The following ANKRD6 variants were observed in gnomAD, a reference collection of about 807,000 sequenced individuals.
The protein encoded by ANKRD6 is ankyrin repeat domain 6.
Under a neutral mutation model 82.3 loss-of-function variants are expected in ANKRD6, and 56 were observed. The ratio of observed to expected loss-of-function variants is 0.68; its 90% CI spans 0.55 to 0.85. ANKRD6 has a LOEUF of 0.85. ANKRD6 is among the 40% of genes least tolerant of loss of function. ANKRD6 has a pLI of 0.00. For synonymous variants in ANKRD6, 347 were observed against 352.1 expected (o/e 0.99, Z 0.16); for missense variants, 852 against 907.6 (o/e 0.94, Z 0.79).
At chr6:89,547,172 C>G (rs757091645) in intron 1 of ANKRD6, among the ~76,000 whole-genome samples, 1 of 139,398 alleles carries the variant, frequency 7.2e-6, no homozygotes, top group African/African-American at 2.7e-5. Flanking sequence ...TTGCTAAGAA[C>G]GGTAACTAGT....
At chr6:89,455,385 G>C (rs1213718200) in intron 1 of ANKRD6, among the ~76,000 whole-genome samples, 5 of 152,022 alleles carry the variant, frequency 3.3e-5, no homozygotes, top group African/African-American at 1.2e-4. Context: ...CACATGGTGA[G>C]AATGGGAGCC....
chr6:89,442,762 A>G (rs1365102661), intron 1 of ANKRD6, among the ~76,000 whole-genome samples: 1 of 152,216 alleles, frequency 6.6e-6, no homozygotes, highest in South Asian at 2.1e-4. Flanking sequence ...ATCAGTAGAC[A>G]GAAGTCTCTG....
intron 1 of ANKRD6, among the ~76,000 whole-genome samples, chr6:89,532,020 G>A (rs1432884502): frequency 1.3e-5 from 2 of 152,186 alleles, no homozygotes; most frequent in East Asian, 1.9e-4. Flanking sequence ...AAGAGCCAAT[G>A]TTGCGGATGA....
intron 2 of ANKRD6, among the ~76,000 whole-genome samples, chr6:89,582,865 T>C (rs868464016): frequency 1.8e-4 from 27 of 152,192 alleles, no homozygotes; most frequent in African/African-American, 6.0e-4. Flanking sequence ...TTATATGAGG[T>C]AATCCATGCA....
chr6:89,550,584 T>C (rs1785694882), intron 1 of ANKRD6, among the ~76,000 whole-genome samples: 1 of 152,164 alleles, frequency 6.6e-6, no homozygotes, highest in East Asian at 1.9e-4. Flanking sequence ...TTGACTGAAG[T>C]GCTGGTTACA....
In ANKRD6 at chr6:89,615,162, T is replaced by TAA. The variant is rs5878103; in HGVS notation, c.615+1283_615+1284dup. On this transcript the variant is annotated intron_variant, in intron 7 of 15. Transcript: ENST00000339746. ...TTTGTTGGAGTGCATAAATCTTAAC[T>TAA]AAAAAAAAAAAATTAGATTGTGGTG... Among the ~76,000 whole-genome samples the TAA allele has an allele frequency of 4.8e-4, 71 of 149,314 alleles. No individual in the cohort carries two copies. The South Asian group carries it at 6.0e-3, about 13-fold the overall frequency.
At position 89,631,511 on chromosome 6, in the gene ANKRD6, C is replaced by CAACT. The variant is rs1319489304; in HGVS notation, c.*508_*511dup. ...CCTCTTTCTCAAATTCGTAATTCTC[C>CAACT]AACTGTTGACATTTTAATCACATGA... On this transcript the variant is annotated 3_prime_UTR_variant, in exon 16 of 16. Transcript: ENST00000339746. The CAACT allele has an allele frequency of 6.6e-6, 1 of 152,202 alleles. No individual in the cohort carries two copies. The highest frequency in any genetic ancestry group is 2.4e-5 in the African/African-American group (1 of 41,408). 9.4% of individuals were successfully genotyped at this position (152,202 alleles called of 1,614,324 possible). A position where few individuals can be genotyped will look rare whatever the true frequency, so the allele number is the denominator to read the frequency against.
intron 1 of ANKRD6, among the ~76,000 whole-genome samples, chr6:89,450,439 G>T (rs886598135): frequency 6.6e-6 from 1 of 152,196 alleles, no homozygotes; most frequent in Admixed American, 6.5e-5. Context: ...CTTGAGACAA[G>T]GCCCTCCACT....
At chr6:89,588,722 G>A (rs1794273631) in intron 2 of ANKRD6, among the ~76,000 whole-genome samples, 1 of 152,012 alleles carries the variant, frequency 6.6e-6, no homozygotes, top group Non-Finnish European at 1.5e-5. Context: ...GAATATCATT[G>A]AGACCAGGCA....
chr6:89,516,578 G>A (rs994831441), intron 1 of ANKRD6, among the ~76,000 whole-genome samples: 27 of 152,216 alleles, frequency 1.8e-4, no homozygotes, highest in African/African-American at 6.0e-4. Flanking sequence ...GGGTTCAAGC[G>A]ATTCTCCTGC....
At chr6:89,608,273 A>G (rs1227191328) in intron 5 of ANKRD6, among the ~76,000 whole-genome samples, 1 of 151,626 alleles carries the variant, frequency 6.6e-6, no homozygotes, top group Non-Finnish European at 1.5e-5. Flanking sequence ...TAGTGGTAGG[A>G]TAATGAATCA....
intron 2 of ANKRD6, among the ~76,000 whole-genome samples, chr6:89,579,130 A>G (rs1472324084): frequency 1.3e-5 from 2 of 152,198 alleles, no homozygotes; most frequent in Admixed American, 6.5e-5. Flanking sequence ...TGGATGCAGG[A>G]GCCAGGTGCT....
At position 89,480,557 on chromosome 6, in the gene ANKRD6, A is replaced by G. The variant is rs1329485860; in HGVS notation, c.-144+47182A>G. On this transcript the variant is annotated intron_variant, in intron 1 of 15. Coordinates refer to ENST00000339746, the MANE Select transcript of ANKRD6 (RefSeq NM_001242809.2). Reference sequence around the variant, plus strand: ...TTTATATATTTTATATATTTTTTGTATATTTTGTATATATAGTTTTGTATA... The same window carrying G: ...TTTATATATTTTATATATTTTTTGTGTATTTTGTATATATAGTTTTGTATA... Among the ~76,000 whole-genome samples, 3 of 150,482 alleles carry G rather than the reference A, an allele frequency of 2.0e-5. No individual in the cohort carries two copies. The East Asian group carries it at 5.8e-4, about 29-fold the overall frequency.
chr6:89,600,370 C>G (rs1375134016), intron 3 of ANKRD6, among the ~76,000 whole-genome samples: 1 of 152,184 alleles, frequency 6.6e-6, no homozygotes, highest in Non-Finnish European at 1.5e-5. Flanking sequence ...CCAGTGAAGG[C>G]CCTTCGTGAA....
intron 1 of ANKRD6, 62 bp from the exon 2 acceptor site, chr6:89,566,772 A>C: frequency 1.8e-6 from 1 of 566,620 alleles, no homozygotes; most frequent in Non-Finnish European, 3.0e-6. Context: ...CACAGAGAAG[A>C]GGTGTGACCT....
At chr6:89,505,594 G>A (rs1026911026) in intron 1 of ANKRD6, among the ~76,000 whole-genome samples, 3 of 152,224 alleles carry the variant, frequency 2.0e-5, no homozygotes, top group Non-Finnish European at 2.9e-5. Context: ...CCACTACAGT[G>A]CCTCCTGGCA....
At chr6:89,547,433 C>T (rs1196549743) in intron 1 of ANKRD6, among the ~76,000 whole-genome samples, 3 of 152,226 alleles carry the variant, frequency 2.0e-5, no homozygotes, top group East Asian at 1.9e-4. Flanking sequence ...GACAAAGGGG[C>T]GGGGTGGAAA....
intron 1 of ANKRD6, among the ~76,000 whole-genome samples, chr6:89,519,943 A>G (rs2127964601): frequency 6.6e-6 from 1 of 152,334 alleles, no homozygotes; most frequent in African/African-American, 2.4e-5. Flanking sequence ...AGGTTGGCAA[A>G]TGAACTCAAG....
At chr6:89,608,331 G>T (rs909467979) in intron 5 of ANKRD6, among the ~76,000 whole-genome samples, 1 of 124,984 alleles carries the variant, frequency 8.0e-6, no homozygotes, top group African/African-American at 3.3e-5. Flanking sequence ...GGGACAATGG[G>T]CAGCAGTAAG....
Sources: allele counts gnomAD v4.1 joint callset (sites outside exome capture counted in the v4.1 genomes callset), GRCh38; gene constraint gnomAD v4.1.1; transcripts MANE v1.5; gene names NCBI Gene and HGNC (gene_info 2026-07-23, HGNC 2026-07-21).